SLC6A2: variants seen among roughly 807,000 people sequenced by gnomAD.
SLC6A2 encodes solute carrier family 6 member 2.
A neutral mutation model predicts 71.7 loss-of-function variants in SLC6A2; 26 were observed. The observed-to-expected ratio is 0.36, with a 90% CI of 0.27 to 0.50. The LOEUF (loss-of-function observed/expected upper bound fraction) is 0.50. Ranked by LOEUF, SLC6A2 falls within the 20% of genes least tolerant of loss-of-function variation. The probability of loss-of-function intolerance (pLI) is 0.96; values close to 1 mark genes in which losing one functional copy is unlikely to be tolerated. For missense variants in SLC6A2, 581 were observed against 803.9 expected (o/e 0.72, Z 3.35); for synonymous variants, 363 against 337.9 (o/e 1.07, Z -0.82).
rs1469763576 is a variant in SLC6A2 at position 55,656,496 on chromosome 16, T to C, written c.-51-148T>C. ...TGCCCCAACCTCTGTTTCCAAATTT[T>C]TCCAGCGGACGCGCGCCCTTTTCTG... On this transcript the variant is annotated intron_variant, in intron 1 of 14. Transcript: ENST00000568943. The surrounding 1 kb of genome is among the most constrained non-coding windows in gnomAD (Gnocchi z 4.5). 3.1e-6 allele frequency: 2 copies of C among 652,966 alleles called. No homozygotes were observed. The highest frequency in any genetic ancestry group is 5.3e-6 in the Non-Finnish European group (2 of 376,992). 40.4% of individuals were successfully genotyped at this position (652,966 alleles called of 1,614,324 possible).
At chr16:55,677,252 A>G (rs1364867804) in intron 4 of SLC6A2, among the ~76,000 whole-genome samples, 1 of 152,104 alleles carries the variant, frequency 6.6e-6, no homozygotes, top group South Asian at 2.1e-4. Flanking sequence ...TCTTATGAAC[A>G]TGGTTTGGAG....
intron 4 of SLC6A2, among the ~76,000 whole-genome samples, chr16:55,681,434 G>A (rs1460680129): frequency 1.3e-5 from 2 of 152,202 alleles, no homozygotes; most frequent in African/African-American, 2.4e-5. Flanking sequence ...GAAAGGATTC[G>A]GGTCACACAG....
At chr16:55,683,720 G>A (rs747750272) in intron 4 of SLC6A2, among the ~76,000 whole-genome samples, 4 of 152,078 alleles carry the variant, frequency 2.6e-5, no homozygotes, top group Non-Finnish European at 5.9e-5. Context: ...ATCATCAAGC[G>A]ACAACTCAGC....
intron 4 of SLC6A2, among the ~76,000 whole-genome samples, chr16:55,678,341 G>T (rs1028074992): frequency 6.6e-6 from 1 of 151,764 alleles, no homozygotes; most frequent in Admixed American, 6.6e-5. Context: ...ATGCCCTTTT[G>T]TCTAAATGTT....
Position 55,695,429 on chromosome 16 carries a change from A to C in SLC6A2, c.1147+27A>C, listed in dbSNP as rs1567454923. 3 of 1,613,604 alleles carry C rather than the reference A, an allele frequency of 1.9e-6. No homozygotes were observed. In the East Asian group the frequency reaches 6.7e-5, roughly 36 times the overall value. ...TGGGTGGGCAGCCCACCTGGGCCCC[A>C]GCCCACTGAGGCGGGAGCTGAGAAG... On this transcript the variant is annotated intron_variant, in intron 8 of 14. Coordinates refer to ENST00000568943, the MANE Select transcript of SLC6A2 (RefSeq NM_001172501.3).
rs6499772 is a variant in SLC6A2 at position 55,690,473 on chromosome 16, G to A, written c.784-1445G>A. Among the ~76,000 whole-genome samples the A allele has an allele frequency of 7.7e-3, 1,166 of 152,270 alleles. 7 individuals are homozygous for A. The highest frequency in any genetic ancestry group is 0.013 in the Non-Finnish European group (864 of 68,022). Reference sequence around the variant, plus strand: ...TTCAAGGTTTCCACTTTCCCCTTAGGGATATGGGAAGATTCCTGGGGCTAC... The same window carrying A: ...TTCAAGGTTTCCACTTTCCCCTTAGAGATATGGGAAGATTCCTGGGGCTAC... On this transcript the variant is annotated intron_variant, in intron 5 of 14. Coordinates refer to ENST00000568943, the MANE Select transcript of SLC6A2 (RefSeq NM_001172501.3).
intron 5 of SLC6A2, among the ~76,000 whole-genome samples, chr16:55,691,240 AG>A (rs1307721146): frequency 9.0e-5 from 2 of 22,146 alleles, no homozygotes; most frequent in East Asian, 3.6e-3. Context: ...GGAGAGAGAG[AG>A]AGAGAGAGAG....
intron 4 of SLC6A2, among the ~76,000 whole-genome samples, chr16:55,677,243 C>T (rs1466040287): frequency 1.3e-5 from 2 of 152,030 alleles, no homozygotes; most frequent in African/African-American, 4.8e-5. Context: ...GCCTTTCTGT[C>T]TTATGAACAT....
intron 2 of SLC6A2, among the ~76,000 whole-genome samples, chr16:55,667,121 T>G (rs1196511119): frequency 2.6e-5 from 4 of 152,136 alleles, no homozygotes; most frequent in African/African-American, 7.2e-5. Flanking sequence ...GTTCTTGAGT[T>G]CCTGGGCTCA....
chr16:55,660,981 C>T (rs1964594522), intron 2 of SLC6A2, among the ~76,000 whole-genome samples: 1 of 152,214 alleles, frequency 6.6e-6, no homozygotes. Context: ...TCCCCATGGC[C>T]AGCTGCTGGG....
rs1021810523 is a variant in SLC6A2, at chr16:55,692,176, C to G, written c.918+124C>G. On this transcript the variant is annotated intron_variant, in intron 6 of 14. Transcript: ENST00000568943. ...GTGCAGTGTAGCCTTGGACAGGATC[C>G]TTCCCTGTCTGAGGTGCAGCTTCCC... 5 of 1,149,668 alleles carry G rather than the reference C, an allele frequency of 4.3e-6. No homozygotes were observed. In the African/African-American group the frequency reaches 7.6e-5, roughly 17 times the overall value. 71.2% of individuals were successfully genotyped at this position (1,149,668 alleles called of 1,614,324 possible).
intron 2 of SLC6A2, among the ~76,000 whole-genome samples, chr16:55,660,239 G>A (rs1482647501): frequency 1.3e-5 from 2 of 152,158 alleles, no homozygotes; most frequent in Non-Finnish European, 2.9e-5. Flanking sequence ...CTGGCTGCAG[G>A]GCAAGCCAGG....
At chr16:55,689,923 A>G (rs1965562395) in intron 5 of SLC6A2, among the ~76,000 whole-genome samples, 1 of 152,226 alleles carries the variant, frequency 6.6e-6, no homozygotes. Context: ...CTGAGCCCAG[A>G]AGATGTGACT....
At chr16:55,685,096 C>T (rs748343063) in intron 4 of SLC6A2, 47 bp from the exon 5 acceptor site, 1 of 1,599,928 alleles carries the variant, frequency 6.3e-7, no homozygotes, top group Non-Finnish European at 8.6e-7. Context: ...CTCTGTCGTC[C>T]TCCCTGACGA....
At chr16:55,691,891 T>C (rs1337696620) in intron 5 of SLC6A2, 27 bp from the exon 6 acceptor site, 1 of 1,613,794 alleles carries the variant, frequency 6.2e-7, no homozygotes, top group Non-Finnish European at 8.5e-7. Context: ...AGAGCGAGGC[T>C]CTCACCTGAA....
chr16:55,671,957 C>A lies in SLC6A2; in HGVS notation c.426C>A (p.Ile142=). 2 of 1,614,138 alleles carry A rather than the reference C, an allele frequency of 1.2e-6. No homozygotes were observed. The highest frequency in any genetic ancestry group is 1.7e-6 in the Non-Finnish European group (2 of 1,180,026). ...GCCCAGGCGTTGGCTATGCTGTCAT[C>A]CTGATCGCCCTGTACGTTGGCTTCT... ...PFFKGVGYAV[I]LIALYVGFYY... is the part of the protein sequence containing the mutation. The change falls in exon 4 of 15, where the codon ATC becomes ATA. Residue 142 remains isoleucine, a synonymous_variant. Transcript: ENST00000568943.
intron 9 of SLC6A2, among the ~76,000 whole-genome samples, 174 bp from the exon 10 acceptor site, chr16:55,697,722 AC>A (rs1380666124): frequency 1.4e-5 from 2 of 138,860 alleles, no homozygotes; most frequent in Non-Finnish European, 3.3e-5. Context: ...TTGCCTGAGA[AC>A]AGGACAGAAA....
intron 4 of SLC6A2, among the ~76,000 whole-genome samples, chr16:55,684,599 C>T (rs1208247550): frequency 6.6e-6 from 1 of 152,156 alleles, no homozygotes; most frequent in Non-Finnish European, 1.5e-5. Context: ...GCAATATGGA[C>T]CTTTTGGGAA....
intron 2 of SLC6A2, among the ~76,000 whole-genome samples, chr16:55,663,611 C>T (rs540747812): frequency 6.6e-6 from 1 of 152,192 alleles, no homozygotes; most frequent in Non-Finnish European, 1.5e-5. Context: ...GAGGTCTTAC[C>T]ATAGCTCTGT....
Sources: gnomAD v4.1 joint callset for allele counts (sites outside exome capture counted in the v4.1 genomes callset) on GRCh38, gnomAD v4.1.1 for gene constraint, Gnocchi (gnomAD v3.1) non-coding constraint, MANE v1.5 for transcripts, NCBI Gene and HGNC (gene_info 2026-07-23, HGNC 2026-07-21) for gene names.